The following CNTNAP2 variants were observed in gnomAD, a reference collection of about 807,000 sequenced individuals.
The protein encoded by CNTNAP2 is contactin associated protein 2.
Under a neutral mutation model 155.2 loss-of-function variants are expected in CNTNAP2, and 98 were observed. The ratio of observed to expected loss-of-function variants is 0.63; its 90% CI spans 0.54 to 0.75. The LOEUF (loss-of-function observed/expected upper bound fraction) is 0.75, where lower values mean the gene tolerates loss of function less well. Among genes scored for constraint, CNTNAP2 ranks in the 30% least tolerant of loss-of-function variants. CNTNAP2 has a pLI of 0.00. For synonymous variants in CNTNAP2, 651 were observed against 631.2 expected (o/e 1.03, Z -0.47); for missense variants, 1,727 against 1,688.1 (o/e 1.02, Z -0.40).
intron 2 of CNTNAP2, among the ~76,000 whole-genome samples, chr7:146,801,633 G>A (rs1802879684): frequency 6.6e-6 from 1 of 152,100 alleles, no homozygotes; most frequent in Non-Finnish European, 1.5e-5. Context: ...TGGGTTCTTT[G>A]TGAATGCCAT....
intron 1 of CNTNAP2, among the ~76,000 whole-genome samples, chr7:146,149,791 G>A (rs1434091054): frequency 6.8e-6 from 1 of 146,980 alleles, no homozygotes; most frequent in African/African-American, 2.5e-5. Flanking sequence ...AAGCTCAAAA[G>A]TTTCTAGAAG....
At chr7:148,082,402 G>T (rs966458937) in intron 15 of CNTNAP2, among the ~76,000 whole-genome samples, 1 of 152,162 alleles carries the variant, frequency 6.6e-6, no homozygotes, top group African/African-American at 2.4e-5. Context: ...TGAGTTATGG[G>T]AGGAGCAACT....
chr7:147,643,280 A>G (rs1795314535), intron 13 of CNTNAP2: 1 of 152,194 alleles, frequency 6.6e-6, no homozygotes, highest in Non-Finnish European at 1.5e-5. Context: ...AAATTGGCAT[A>G]ATAAAAATTT....
chr7:148,187,115 C>T (rs1795128222), intron 18 of CNTNAP2, among the ~76,000 whole-genome samples: 1 of 143,982 alleles, frequency 6.9e-6, no homozygotes, highest in Non-Finnish European at 1.5e-5. Flanking sequence ...AACATACACA[C>T]ACACACACAC....
At chr7:147,083,555 T>C (rs941363609) in intron 4 of CNTNAP2, among the ~76,000 whole-genome samples, 1 of 144,692 alleles carries the variant, frequency 6.9e-6, no homozygotes, top group Non-Finnish European at 1.5e-5. Context: ...TATATGTATA[T>C]ATATATATAC....
rs985406529 is a variant in CNTNAP2 at position 148,213,941 on chromosome 7, G to A, written c.3011-3347G>A. Among the ~76,000 whole-genome samples, 7 of 152,326 alleles carry A rather than the reference G, an allele frequency of 4.6e-5. No individual in the cohort carries two copies. The South Asian group carries it at 6.2e-4, about 14-fold the overall frequency. On this transcript the variant is annotated intron_variant, in intron 18 of 23. Coordinates refer to ENST00000361727, the MANE Select transcript of CNTNAP2 (RefSeq NM_014141.6). ...ATGACTGATTCTTAAAAAGAAGCAC[G>A]TGAAGTTTGTCCAGGCGGCATGATG...
intron 13 of CNTNAP2, among the ~76,000 whole-genome samples, chr7:147,820,600 T>C (rs1563100730): frequency 2.0e-5 from 3 of 152,116 alleles, no homozygotes; most frequent in Non-Finnish European, 2.9e-5. Flanking sequence ...CCCAAGTTCA[T>C]AAAAAATATT....
intron 1 of CNTNAP2, among the ~76,000 whole-genome samples, chr7:146,536,920 T>G (rs1179592054): frequency 1.3e-5 from 2 of 152,152 alleles, no homozygotes; most frequent in African/African-American, 4.8e-5. Flanking sequence ...ATCAAATAAT[T>G]ATACTAGAAC....
chr7:146,864,623 AG>A (rs1240359778), intron 3 of CNTNAP2, among the ~76,000 whole-genome samples: 4 of 152,200 alleles, frequency 2.6e-5, no homozygotes, highest in Non-Finnish European at 4.4e-5. Context: ...TAGAAGAAGT[AG>A]GCCTGTCTGT....
chr7:147,116,761 G>T (rs953619240), intron 5 of CNTNAP2, among the ~76,000 whole-genome samples: 6 of 152,152 alleles, frequency 3.9e-5, no homozygotes, highest in African/African-American at 9.7e-5. Context: ...ATGCAGGCAG[G>T]TGTGGTTGGA....
chr7:147,587,887 A>G (rs571763368), intron 12 of CNTNAP2, among the ~76,000 whole-genome samples: 2 of 152,252 alleles, frequency 1.3e-5, no homozygotes, highest in African/African-American at 4.8e-5. Context: ...AAAGTATATT[A>G]TGTTAGAAGC....
At chr7:147,642,458 C>T (rs766443077) in intron 13 of CNTNAP2, among the ~76,000 whole-genome samples, 2 of 152,018 alleles carry the variant, frequency 1.3e-5, no homozygotes, top group Non-Finnish European at 2.9e-5. Context: ...AGTTCAGCAT[C>T]TTTCTTTCCC....
At chr7:146,818,340 AT>A (rs2129195475) in intron 2 of CNTNAP2, among the ~76,000 whole-genome samples, 1 of 152,258 alleles carries the variant, frequency 6.6e-6, no homozygotes, top group Non-Finnish European at 1.5e-5. Context: ...ACGGGATTCA[AT>A]TTGCCTGTTA....
chr7:147,992,941 C>A (rs980519466), intron 15 of CNTNAP2, among the ~76,000 whole-genome samples: 1 of 152,062 alleles, frequency 6.6e-6, no homozygotes, highest in African/African-American at 2.4e-5. Context: ...GTATTTAAAC[C>A]TTTAGAATTT....
At chr7:148,043,468 G>A (rs1446142653) in intron 15 of CNTNAP2, among the ~76,000 whole-genome samples, 2 of 152,188 alleles carry the variant, frequency 1.3e-5, no homozygotes, top group African/African-American at 4.8e-5. Context: ...CACCTGTCAA[G>A]CTAAGGCTTT....
At chr7:146,388,865 T>C (rs4725692) in intron 1 of CNTNAP2, among the ~76,000 whole-genome samples, 37,154 of 152,054 alleles carry the variant, frequency 0.24, 5,065 homozygotes, top group Admixed American at 0.4. Context: ...GTGTGATGTT[T>C]GTCTTTCTGT....
chr7:148,411,698 C>T (rs569640454), intron 23 of CNTNAP2, among the ~76,000 whole-genome samples: 2 of 151,402 alleles, frequency 1.3e-5, no homozygotes, highest in African/African-American at 2.4e-5. Flanking sequence ...TTAATCACTT[C>T]GAGTTAATGT....
chr7:147,792,975 T>C (rs1797841703), intron 13 of CNTNAP2, among the ~76,000 whole-genome samples: 1 of 152,200 alleles, frequency 6.6e-6, no homozygotes. Context: ...CATGTGTTTA[T>C]CGGCCATTTG....
At chr7:148,076,254 T>C (rs554285657) in intron 15 of CNTNAP2, among the ~76,000 whole-genome samples, 9 of 152,080 alleles carry the variant, frequency 5.9e-5, no homozygotes, top group Admixed American at 3.3e-4. Flanking sequence ...TGACTGGAGA[T>C]ATTTTTACTT....
Sources: gnomAD v4.1 joint callset for allele counts (sites outside exome capture counted in the v4.1 genomes callset) on GRCh38, gnomAD v4.1.1 for gene constraint, MANE v1.5 for transcripts, NCBI Gene and HGNC (gene_info 2026-07-23, HGNC 2026-07-21) for gene names.